The following DOCK2 variants were observed in gnomAD, a reference collection of about 807,000 sequenced individuals.
DOCK2 encodes dedicator of cytokinesis 2.
In DOCK2, 87 loss-of-function variants were observed where a neutral mutation model predicts 248.9. The ratio of observed to expected loss-of-function variants is 0.35; its 90% confidence interval spans 0.29 to 0.42. The LOEUF (loss-of-function observed/expected upper bound fraction) is 0.42, where lower values mean the gene tolerates loss of function less well. Ranked by LOEUF, DOCK2 falls within the 10% of genes least tolerant of loss-of-function variation. The probability of loss-of-function intolerance (pLI) is 1.00; values close to 1 mark genes in which losing one functional copy is unlikely to be tolerated. For missense variants in DOCK2, 1,747 were observed against 2,300.2 expected (o/e 0.76, Z 4.92); for synonymous variants, 805 against 821.6 (o/e 0.98, Z 0.35).
chr5:169,980,732 T>G (rs951965157), intron 27 of DOCK2: 5 of 152,210 alleles, frequency 3.3e-5, no homozygotes, highest in African/African-American at 1.2e-4. Context: ...GGGAGCTGGT[T>G]AAATTAGCAG....
chr5:169,925,699 G>T (rs370921816), intron 27 of DOCK2, among the ~76,000 whole-genome samples: 9 of 145,252 alleles, frequency 6.2e-5, no homozygotes, highest in Non-Finnish European at 1.2e-4. Flanking sequence ...TCTGTAGAAC[G>T]GAGTGACAAT....
At chr5:170,002,026 A>C (rs1249791581) in intron 30 of DOCK2, among the ~76,000 whole-genome samples, 1 of 152,208 alleles carries the variant, frequency 6.6e-6, no homozygotes, top group Non-Finnish European at 1.5e-5. Flanking sequence ...TACCTTGTCC[A>C]TGATAATGGA....
chr5:169,960,891 T>G (rs900238380), intron 27 of DOCK2, among the ~76,000 whole-genome samples: 1 of 152,232 alleles, frequency 6.6e-6, no homozygotes, highest in Non-Finnish European at 1.5e-5. Flanking sequence ...TGTACAGGTA[T>G]GCATGCATAG....
chr5:169,817,653 G>A (rs946352420), intron 26 of DOCK2, among the ~76,000 whole-genome samples: 2 of 152,188 alleles, frequency 1.3e-5, no homozygotes, highest in Non-Finnish European at 2.9e-5. Flanking sequence ...TGCCTTGTCT[G>A]TTTCACAGAC....
At chr5:169,734,216 T>C (rs1762922424) in intron 22 of DOCK2, among the ~76,000 whole-genome samples, 1 of 152,134 alleles carries the variant, frequency 6.6e-6, no homozygotes, top group Admixed American at 6.5e-5. Flanking sequence ...TTTCAAAAAC[T>C]CCATTTTGTT....
chr5:169,938,422 G>C (rs1776087080), intron 27 of DOCK2, among the ~76,000 whole-genome samples: 1 of 152,176 alleles, frequency 6.6e-6, no homozygotes, highest in Non-Finnish European at 1.5e-5. Context: ...ATAAGGTAGA[G>C]CCTATTGCTC....
intron 25 of DOCK2, among the ~76,000 whole-genome samples, chr5:169,791,836 A>G (rs887252568): frequency 6.6e-6 from 1 of 152,200 alleles, no homozygotes; most frequent in Non-Finnish European, 1.5e-5. Context: ...ATCTAGCAGG[A>G]GTTCAATGTA....
chr5:169,906,934 C>G (rs536802441), intron 27 of DOCK2, among the ~76,000 whole-genome samples: 1 of 152,160 alleles, frequency 6.6e-6, no homozygotes, highest in Non-Finnish European at 1.5e-5. Flanking sequence ...GAGGGAAATA[C>G]TATCATTCAA....
In DOCK2 at chr5:169,941,382, T is replaced by C. The variant is rs3860756; in HGVS notation, c.2800-41686T>C. Among the ~76,000 whole-genome samples the C allele has an allele frequency of 3.9e-3, 595 of 152,088 alleles. 8 individuals carry two copies. The highest frequency in any genetic ancestry group is 0.03 in the East Asian group (153 of 5,162). On this transcript the variant is annotated intron_variant, in intron 27 of 51. Coordinates refer to ENST00000520908, the MANE Select transcript of DOCK2 (RefSeq NM_004946.3). ...GCCCCCAGGCCCAGCTAATTTTGTA[T>C]TTTTAGTAGAGACTGAGTTGGTCAG... is the stretch of plus-strand genomic sequence containing the variant.
intron 2 of DOCK2, among the ~76,000 whole-genome samples, chr5:169,656,323 A>ATTT (rs201780874): frequency 2.1e-4 from 29 of 139,964 alleles, no homozygotes; most frequent in African/African-American, 7.6e-4. Flanking sequence ...GAGCTAGTGG[A>ATTT]TTTTTTTTTT....
chr5:169,978,142 A>T (rs1214007678), intron 27 of DOCK2, among the ~76,000 whole-genome samples: 1 of 151,976 alleles, frequency 6.6e-6, no homozygotes, highest in Non-Finnish European at 1.5e-5. Context: ...GCAACGTGTC[A>T]CCAGCTGGTA....
intron 25 of DOCK2, among the ~76,000 whole-genome samples, chr5:169,777,969 A>G (rs1264886996): frequency 6.6e-6 from 1 of 152,204 alleles, no homozygotes; most frequent in African/African-American, 2.4e-5. Context: ...CTCATTTCTC[A>G]AATGAGAAGC....
chr5:169,870,092 G>C (rs531394227), intron 27 of DOCK2, among the ~76,000 whole-genome samples: 71 of 152,334 alleles, frequency 4.7e-4, no homozygotes, highest in African/African-American at 1.6e-3. Flanking sequence ...TGGGACATGG[G>C]ACCTGTGGTT....
At chr5:169,819,262 A>G (rs758857038) in intron 26 of DOCK2, among the ~76,000 whole-genome samples, 1 of 152,236 alleles carries the variant, frequency 6.6e-6, no homozygotes, top group Non-Finnish European at 1.5e-5. Context: ...GTGAGCCAAG[A>G]TCACGCCATT....
intron 44 of DOCK2, among the ~76,000 whole-genome samples, chr5:170,064,051 A>G (rs747201247): frequency 2.4e-4 from 37 of 152,132 alleles, no homozygotes; most frequent in Non-Finnish European, 4.6e-4. Flanking sequence ...ATCCTAAACT[A>G]TAGGGGTCTA....
intron 13 of DOCK2, among the ~76,000 whole-genome samples, chr5:169,700,569 G>A (rs1393247871): frequency 1.3e-5 from 2 of 150,774 alleles, no homozygotes; most frequent in Admixed American, 6.6e-5. Context: ...TGTGTTCATT[G>A]TAAAATATTC....
chr5:169,996,178 A>C lies in DOCK2; in HGVS notation c.3072+14A>C. On this transcript the variant is annotated intron_variant, in intron 30 of 51. Coordinates refer to ENST00000520908, the MANE Select transcript of DOCK2 (RefSeq NM_004946.3). Reference sequence around the variant, plus strand: ...TTTGAGTTCCAGGTGAGTATAAGCCACCAGAGCTACCCTTGGAGCTGCCCA... The same window carrying C: ...TTTGAGTTCCAGGTGAGTATAAGCCCCCAGAGCTACCCTTGGAGCTGCCCA... 1 of 1,612,894 alleles carries C rather than the reference A, an allele frequency of 6.2e-7. No homozygotes were observed. Among genetic ancestry groups the C allele is most frequent in the Non-Finnish European group, 8.5e-7 (1 of 1,179,418 alleles).
chr5:169,988,261 T>C (rs1244473404), intron 29 of DOCK2, among the ~76,000 whole-genome samples: 1 of 152,330 alleles, frequency 6.6e-6, no homozygotes, highest in East Asian at 1.9e-4. Flanking sequence ...TTTTGTATAT[T>C]ATAATAGCTA....
At chr5:169,902,450 G>A (rs746741186) in intron 27 of DOCK2, among the ~76,000 whole-genome samples, 1 of 152,174 alleles carries the variant, frequency 6.6e-6, no homozygotes, top group Non-Finnish European at 1.5e-5. Flanking sequence ...GTGCTCCAGG[G>A]GTCATGCTCT....
Sources: gnomAD v4.1 joint callset for allele counts (sites outside exome capture counted in the v4.1 genomes callset) on GRCh38, gnomAD v4.1.1 for gene constraint, MANE v1.5 for transcripts, NCBI Gene and HGNC (gene_info 2026-07-23, HGNC 2026-07-21) for gene names.